RALYL: variants seen among roughly 807,000 people sequenced by gnomAD.
The protein encoded by RALYL is RNA-binding Raly-like protein.
In RALYL, 29 loss-of-function variants were observed where a neutral mutation model predicts 35.1. The ratio of observed to expected loss-of-function variants is 0.83; its 90% CI spans 0.61 to 1.13. The LOEUF (loss-of-function observed/expected upper bound fraction) is 1.13, where lower values mean the gene tolerates loss of function less well. Among genes scored for constraint, RALYL ranks in the 50% most tolerant of loss-of-function variants. RALYL has a pLI of 0.00. For synonymous variants in RALYL, 120 were observed against 127.6 expected (o/e 0.94, Z 0.40); for missense variants, 359 against 360.4 (o/e 1.00, Z 0.03).
chr8:84,470,147 G>A (rs2052513134), intron 1 of RALYL, among the ~76,000 whole-genome samples: 1 of 152,072 alleles, frequency 6.6e-6, no homozygotes, highest in Admixed American at 6.5e-5. Context: ...TTCCTATTCG[G>A]CCATCTTGGC....
chr8:84,910,539 G>A (rs371258670), intron 8 of RALYL, among the ~76,000 whole-genome samples: 1 of 151,988 alleles, frequency 6.6e-6, no homozygotes, highest in Non-Finnish European at 1.5e-5. Flanking sequence ...TACCATCAAT[G>A]ATGATGTTAA....
chr8:84,306,090 G>C (rs113220061), intron 1 of RALYL, among the ~76,000 whole-genome samples: 1,847 of 152,024 alleles, frequency 0.012, 53 homozygotes, highest in African/African-American at 0.042. Flanking sequence ...CGTGAACCTG[G>C]GAGGCGGAGC....
intron 1 of RALYL, among the ~76,000 whole-genome samples, chr8:84,515,475 G>A (rs79328283): frequency 0.015 from 2,247 of 152,236 alleles, 31 homozygotes; most frequent in Middle Eastern, 0.065. Context: ...CCTAAAATTT[G>A]TGAAAAGGCT....
chr8:84,574,718 A>G (rs1214101582), intron 2 of RALYL, among the ~76,000 whole-genome samples: 1 of 152,030 alleles, frequency 6.6e-6, no homozygotes, highest in Non-Finnish European at 1.5e-5. Context: ...ATATGTAGAC[A>G]ATGTATGTAG....
intron 1 of RALYL, among the ~76,000 whole-genome samples, chr8:84,422,041 A>G (rs543817767): frequency 6.6e-6 from 1 of 152,236 alleles, no homozygotes; most frequent in East Asian, 1.9e-4. Context: ...TGACTTTGGT[A>G]TCAGGATGAT....
chr8:84,652,732 A>G (rs1183407966), intron 2 of RALYL, among the ~76,000 whole-genome samples: 4 of 152,074 alleles, frequency 2.6e-5, no homozygotes, highest in Admixed American at 6.6e-5. Flanking sequence ...TGGTCTGCTT[A>G]CCACCAAAAC....
intron 2 of RALYL, among the ~76,000 whole-genome samples, chr8:84,678,452 A>C (rs1834677163): frequency 6.6e-6 from 1 of 151,984 alleles, no homozygotes; most frequent in African/African-American, 2.4e-5. Flanking sequence ...TTTTTAGTAG[A>C]CACAGGGTTT....
chr8:84,548,473 T>C lies in RALYL; in HGVS notation c.256+18896T>C, dbSNP rs149110842. 1.9e-3 allele frequency among the ~76,000 whole-genome samples: 282 copies of C among 152,312 alleles called. 1 individual carries two copies. Among genetic ancestry groups the C allele is most frequent in the African/African-American group, 5.9e-3 (246 of 41,582 alleles). On this transcript the variant is annotated intron_variant, in intron 2 of 8. Coordinates refer to ENST00000521268, the MANE Select transcript of RALYL (RefSeq NM_173848.7). Reference sequence around the variant, plus strand: ...AATTATGTGTTATAATTTTGTTTTTTTGTGGCCATGTATTTCCAGTGTGCT... The same window carrying C: ...AATTATGTGTTATAATTTTGTTTTTCTGTGGCCATGTATTTCCAGTGTGCT...
At chr8:84,402,178 C>A (rs2042985517) in intron 1 of RALYL, among the ~76,000 whole-genome samples, 1 of 152,042 alleles carries the variant, frequency 6.6e-6, no homozygotes. Flanking sequence ...AATTATTGTT[C>A]CTACAGAGAA....
intron 2 of RALYL, among the ~76,000 whole-genome samples, chr8:84,638,583 A>G (rs1825560122): frequency 1.3e-5 from 2 of 151,810 alleles, no homozygotes; most frequent in South Asian, 2.1e-4. Context: ...AAGAAAAAAG[A>G]GAAAGCCAAA....
chr8:84,268,827 T>G (rs796349057), intron 1 of RALYL, among the ~76,000 whole-genome samples: 58 of 152,332 alleles, frequency 3.8e-4, no homozygotes, highest in African/African-American at 1.2e-3. Context: ...ATTTAATAAA[T>G]GTTCATTCTT....
intron 1 of RALYL, among the ~76,000 whole-genome samples, chr8:84,274,893 C>T (rs957499248): frequency 1.3e-5 from 2 of 152,086 alleles, no homozygotes; most frequent in Non-Finnish European, 2.9e-5. Context: ...TAGAGCTCTA[C>T]CATCAGAGTG....
rs548063496 is a variant in RALYL at position 84,373,566 on chromosome 8, C to G, written c.-23-155733C>G. Among the ~76,000 whole-genome samples the G allele has an allele frequency of 1.5e-4, 23 of 152,056 alleles. No individual in the cohort carries two copies. In the East Asian group the frequency reaches 4.5e-3, roughly 30 times the overall value. On this transcript the variant is annotated intron_variant, in intron 1 of 8. Coordinates refer to ENST00000521268, the MANE Select transcript of RALYL (RefSeq NM_173848.7). ...TCATCTTCGGGTCTCTATTCTGTTC[C>G]ATTGGTCAATGTGTCTGTTTTTGTA...
rs10102563 is a variant in RALYL at position 84,815,248 on chromosome 8, A to G, written c.365+10446A>G. On this transcript the variant is annotated intron_variant, in intron 4 of 8. Transcript: ENST00000521268. The stretch of plus-strand genomic sequence containing the variant: ...CTCCACACTGCCTATGCAGAAGTAC[A>G]TATAAATTCATTCTGATGTCATCTT... 9.4e-3 allele frequency among the ~76,000 whole-genome samples: 1,438 copies of G among 152,270 alleles called. 14 individuals carry two copies. The highest frequency in any genetic ancestry group is 0.033 in the African/African-American group (1,376 of 41,554).
chr8:84,418,630 T>C (rs1347717474), intron 1 of RALYL, among the ~76,000 whole-genome samples: 6 of 151,846 alleles, frequency 4.0e-5, no homozygotes, highest in African/African-American at 1.5e-4. Flanking sequence ...ACCCTCACCC[T>C]CTCCCCCAGA....
intron 2 of RALYL, among the ~76,000 whole-genome samples, chr8:84,766,737 A>C (rs1012284549): frequency 8.1e-5 from 12 of 148,650 alleles, no homozygotes; most frequent in East Asian, 3.9e-4. Flanking sequence ...AAAAAAAAAA[A>C]AAAAAAAAAA....
At chr8:84,833,162 T>C (rs188719036) in intron 4 of RALYL, among the ~76,000 whole-genome samples, 1 of 152,302 alleles carries the variant, frequency 6.6e-6, no homozygotes, top group African/African-American at 2.4e-5. Flanking sequence ...AGGGTCATTG[T>C]CTTGAGACTT....
rs189263642 is a variant in RALYL, at chr8:84,890,902, G to A, written c.858+3126G>A. ...GTCATGGAATCTAACCAACAGGGAA[G>A]GAAAGGAACACGGTTGTGGGGGGCA... On this transcript the variant is annotated intron_variant, in intron 8 of 8. Coordinates refer to ENST00000521268, the MANE Select transcript of RALYL (RefSeq NM_173848.7). Among the ~76,000 whole-genome samples the A allele has an allele frequency of 8.5e-5, 13 of 152,112 alleles. No individual in the cohort carries two copies. In the East Asian group the frequency reaches 2.5e-3, roughly 29 times the overall value.
At chr8:84,185,121 C>G in intron 1 of RALYL, 1 of 1,149,818 alleles carries the variant, frequency 8.7e-7, no homozygotes, top group Non-Finnish European at 1.3e-6. Flanking sequence ...TTTTAAGTGC[C>G]TGCTGGTGTC....
Sources: allele counts gnomAD v4.1 joint callset (sites outside exome capture counted in the v4.1 genomes callset), GRCh38; gene constraint gnomAD v4.1.1; transcripts MANE v1.5; gene names NCBI Gene and HGNC (gene_info 2026-07-23, HGNC 2026-07-21).